Variants in AKAP12 observed in about 807,000 individuals in gnomAD.
AKAP12 encodes the protein A-kinase anchoring protein 12.
AKAP12 carries 32 observed loss-of-function variants against 79.9 expected under a neutral mutation model. The ratio of observed to expected loss-of-function variants is 0.40; its 90% CI spans 0.30 to 0.54. The LOEUF is 0.54. AKAP12 is among the 20% of genes least tolerant of loss of function. The pLI is 0.48. For synonymous variants in AKAP12, 808 were observed against 857.0 expected, an observed-to-expected ratio of 0.94 and a Z score of 1.00; for missense variants, 2,074 against 2,177.0, an observed-to-expected ratio of 0.95 and a Z score of 0.94.
intron 3 of AKAP12, among the ~76,000 whole-genome samples, chr6:151,343,163 T>G (rs76282856): frequency 6.6e-6 from 1 of 152,050 alleles, no homozygotes; most frequent in East Asian, 1.9e-4. Flanking sequence ...GAAGCAGAAG[T>G]GTTTCCAATG....
intron 2 of AKAP12, among the ~76,000 whole-genome samples, chr6:151,276,774 C>T (rs1048214835): frequency 6.6e-6 from 1 of 152,202 alleles, no homozygotes; most frequent in Non-Finnish European, 1.5e-5. Flanking sequence ...TGTGCTTTAT[C>T]ACGATCGTAT....
chr6:151,240,360 T>A, intron 1 of AKAP12, 24 bp from the exon 2 acceptor site: 1 of 481,838 alleles, frequency 2.1e-6, no homozygotes, highest in Non-Finnish European at 3.4e-6. Context: ...GGTGGCCTTT[T>A]TTTTTTTTTC....
chr6:151,246,371 TCTC>T (rs1797075397), intron 2 of AKAP12, among the ~76,000 whole-genome samples: 1 of 152,056 alleles, frequency 6.6e-6, no homozygotes, highest in Non-Finnish European at 1.5e-5. Flanking sequence ...TGAGCTGAGA[TCTC>T]ACCACTGCAT....
intron 3 of AKAP12, chr6:151,323,659 G>T: frequency 2.1e-6 from 2 of 970,918 alleles, no homozygotes; most frequent in Non-Finnish European, 2.4e-6. Context: ...CTTTGAAAAT[G>T]TTGTTTAGGG....
intron 3 of AKAP12, among the ~76,000 whole-genome samples, chr6:151,337,614 A>C (rs1777851473): frequency 2.6e-5 from 4 of 152,088 alleles, no homozygotes; most frequent in African/African-American, 9.7e-5. Context: ...ACTCAGATTC[A>C]CCTATCCCAA....
intron 3 of AKAP12, among the ~76,000 whole-genome samples, chr6:151,342,836 C>T (rs1562748784): frequency 6.7e-6 from 1 of 149,896 alleles, no homozygotes; most frequent in Non-Finnish European, 1.5e-5. Context: ...GATCTCGGCT[C>T]ACTGCAACCT....
intron 2 of AKAP12, among the ~76,000 whole-genome samples, chr6:151,250,238 C>T (rs1053493544): frequency 3.3e-5 from 5 of 152,026 alleles, no homozygotes; most frequent in South Asian, 2.1e-4. Context: ...GTGGCTCACG[C>T]GTGTAATCCC....
chr6:151,296,166 A>G (rs549866842), intron 2 of AKAP12, among the ~76,000 whole-genome samples: 1 of 152,352 alleles, frequency 6.6e-6, no homozygotes, highest in Admixed American at 6.5e-5. Context: ...AACTGGCAGC[A>G]GGAAGAGAGC....
At chr6:151,301,520 G>A (rs1318722920) in intron 2 of AKAP12, among the ~76,000 whole-genome samples, 1 of 152,114 alleles carries the variant, frequency 6.6e-6, no homozygotes, top group East Asian at 1.9e-4. Context: ...TTATTTAGAC[G>A]GTTTGGGGAT....
chr6:151,272,465 T>C (rs921055895), intron 2 of AKAP12, among the ~76,000 whole-genome samples: 1 of 151,866 alleles, frequency 6.6e-6, no homozygotes, highest in Non-Finnish European at 1.5e-5. Flanking sequence ...TTTTTCGTAC[T>C]CCCTTTGCCT....
intron 2 of AKAP12, among the ~76,000 whole-genome samples, chr6:151,241,253 C>T (rs1257092257): frequency 6.6e-6 from 1 of 152,246 alleles, no homozygotes; most frequent in Admixed American, 6.5e-5. Context: ...GTTTGGTACC[C>T]AGTCCTCCTG....
In AKAP12 at chr6:151,290,350, A is replaced by G. The variant is rs1251664434; in HGVS notation, c.163-15397A>G. On this transcript the variant is annotated intron_variant, in intron 2 of 4. Coordinates refer to ENST00000402676, the MANE Select transcript of AKAP12 (RefSeq NM_005100.4). The stretch of plus-strand genomic sequence containing the variant: ...TGGACACCATGACGAGCTCAGTCCC[A>G]GGTGACTGAGACAGACAGAATGGAG... Among the ~76,000 whole-genome samples, 3 of 152,128 alleles carry G rather than the reference A, an allele frequency of 2.0e-5. No individual in the cohort carries two copies. The East Asian group carries it at 5.8e-4, about 29-fold the overall frequency.
At position 151,348,725 on chromosome 6, in the gene AKAP12, T is replaced by C. The variant is rs1189061802; in HGVS notation, c.334T>C (p.Ser112Pro). The change falls in exon 4 of 5, where the codon TCT (serine) becomes CCT (proline). Residue 112 changes from serine (S) to proline (P), a missense_variant. Transcript: ENST00000402676. ...TTTGTTAATAGTTGGACAGAGAGACTCTGAAGATGTGAGCAAAAGAGACTC... is the reference window on the plus strand; with the variant it reads ...TTTGTTAATAGTTGGACAGAGAGACCCTGAAGATGTGAGCAAAAGAGACTC... ...VIVTEVGQRD[S>P]EDVSKRDSDK... 2 of 1,285,448 alleles carry C rather than the reference T, an allele frequency of 1.6e-6. No individual in the cohort carries two copies. The highest frequency in any genetic ancestry group is 4.5e-5 in the Admixed American group (2 of 44,504). The allele number at this position is 1,285,448 out of a possible 1,614,324, so 79.6% of individuals were successfully genotyped here. A position where few individuals can be genotyped will look rare whatever the true frequency, so the allele number is the denominator to read the frequency against.
rs367905379 is a variant in AKAP12, at chr6:151,353,968, C to T, written c.*12+216C>T. Among the ~76,000 whole-genome samples the T allele has an allele frequency of 3.9e-5, 6 of 152,186 alleles. No individual in the cohort carries two copies. In the East Asian group the frequency reaches 7.7e-4, roughly 20 times the overall value. On this transcript the variant is annotated intron_variant, in intron 4 of 4. Transcript: ENST00000402676. ...CTTATCGATGTTATGAAAAGAACGA[C>T]TTCGTTTTACCTCCTAATGTGACTG...
At chr6:151,344,413 G>GA (rs1778030608) in intron 3 of AKAP12, among the ~76,000 whole-genome samples, 1 of 151,718 alleles carries the variant, frequency 6.6e-6, no homozygotes, top group South Asian at 2.1e-4. Context: ...TATTTGAAAA[G>GA]AAAAAAAGAA....
intron 2 of AKAP12, among the ~76,000 whole-genome samples, chr6:151,268,966 T>G (rs200371525): frequency 0.16 from 21,306 of 135,880 alleles, 2,368 homozygotes; most frequent in Admixed American, 0.32. Flanking sequence ...TTTTTTTTTT[T>G]TTTTTTTTTT....
chr6:151,259,306 A>G lies in AKAP12; in HGVS notation c.162+18582A>G, dbSNP rs960207184. ...GGTAATCCACCCACCTTGGCCTTCCAAAGTGCTGGGATTACAGGTGTGAGC... is the reference window on the plus strand; with the variant it reads ...GGTAATCCACCCACCTTGGCCTTCCGAAGTGCTGGGATTACAGGTGTGAGC... On this transcript the variant is annotated intron_variant, in intron 2 of 4. Transcript: ENST00000402676. 2.0e-5 allele frequency among the ~76,000 whole-genome samples: 3 copies of G among 151,648 alleles called. No homozygotes were observed. The South Asian group carries it at 6.2e-4, about 32-fold the overall frequency.
chr6:151,277,413 G>A (rs1385637331), intron 2 of AKAP12, among the ~76,000 whole-genome samples: 1 of 152,182 alleles, frequency 6.6e-6, no homozygotes, highest in Non-Finnish European at 1.5e-5. Flanking sequence ...TTTAAGAAGT[G>A]TTTTTTAAGT....
intron 3 of AKAP12, among the ~76,000 whole-genome samples, chr6:151,336,108 T>C (rs1777807506): frequency 6.6e-6 from 1 of 152,228 alleles, no homozygotes; most frequent in African/African-American, 2.4e-5. Context: ...TCCTTCTTTT[T>C]CATGGCTGCA....
Sources: allele counts gnomAD v4.1 joint callset (sites outside exome capture counted in the v4.1 genomes callset), GRCh38; gene constraint gnomAD v4.1.1; transcripts MANE v1.5; gene names NCBI Gene and HGNC (gene_info 2026-07-23, HGNC 2026-07-21).